Variants in COL26A1 observed in about 807,000 individuals in gnomAD.
COL26A1 encodes collagen type XXVI alpha 1 chain.
A neutral mutation model predicts 59.3 loss-of-function variants in COL26A1; 41 were observed. The ratio of observed to expected loss-of-function variants is 0.69; its 90% CI spans 0.54 to 0.90. The LOEUF (loss-of-function observed/expected upper bound fraction) is 0.90. COL26A1 is among the 40% of genes least tolerant of loss of function. COL26A1 has a pLI of 0.00. For missense variants in COL26A1, 612 were observed against 602.3 expected (o/e 1.02, Z -0.17); for synonymous variants, 266 against 256.0 (o/e 1.04, Z -0.37).
chr7:101,526,082 C>T (rs377134187), intron 3 of COL26A1, among the ~76,000 whole-genome samples: 2 of 150,960 alleles, frequency 1.3e-5, no homozygotes, highest in East Asian at 3.9e-4. Context: ...GAGTTTCGCT[C>T]TTGTTGCCCA....
chr7:101,510,709 G>T (rs1794903497), intron 3 of COL26A1, among the ~76,000 whole-genome samples: 1 of 151,542 alleles, frequency 6.6e-6, no homozygotes, highest in South Asian at 2.1e-4. Context: ...AGGCTGGGAG[G>T]GGGTCTCACG....
chr7:101,377,576 A>G (rs1791349024), intron 1 of COL26A1, among the ~76,000 whole-genome samples: 1 of 152,056 alleles, frequency 6.6e-6, no homozygotes, highest in South Asian at 2.1e-4. Flanking sequence ...ATAGGCATGC[A>G]CTACCATGCC....
chr7:101,453,296 G>A (rs1356888677), intron 3 of COL26A1, among the ~76,000 whole-genome samples: 2 of 152,220 alleles, frequency 1.3e-5, no homozygotes, highest in East Asian at 1.9e-4. Context: ...GAACCTGGGA[G>A]GAAGAGGTTG....
chr7:101,420,936 C>T (rs984193841), intron 2 of COL26A1, among the ~76,000 whole-genome samples: 13 of 152,094 alleles, frequency 8.5e-5, no homozygotes, highest in East Asian at 7.7e-4. Flanking sequence ...TGCTTAGCTC[C>T]AGGGACTGGC....
intron 1 of COL26A1, among the ~76,000 whole-genome samples, chr7:101,391,819 T>C (rs1791735344): frequency 6.6e-6 from 1 of 152,002 alleles, no homozygotes; most frequent in African/African-American, 2.4e-5. Context: ...TCTTCCAAAG[T>C]GCTGGGGTTA....
intron 3 of COL26A1, among the ~76,000 whole-genome samples, chr7:101,473,787 G>A (rs1232054641): frequency 6.6e-6 from 1 of 152,022 alleles, no homozygotes; most frequent in Non-Finnish European, 1.5e-5. Context: ...CTGGGAGGTT[G>A]AGGCTGCAGT....
intron 1 of COL26A1, among the ~76,000 whole-genome samples, chr7:101,372,288 C>A (rs914934950): frequency 1.3e-5 from 2 of 152,104 alleles, no homozygotes; most frequent in Non-Finnish European, 2.9e-5. Context: ...GCCCCAGCCT[C>A]CCAAGTAGCT....
intron 4 of COL26A1, among the ~76,000 whole-genome samples, chr7:101,536,139 C>T (rs937245074): frequency 2.0e-5 from 3 of 152,240 alleles, no homozygotes; most frequent in Non-Finnish European, 2.9e-5. Flanking sequence ...CCTCAGCCTC[C>T]TGAGTAGTTG....
intron 10 of COL26A1, among the ~76,000 whole-genome samples, chr7:101,551,834 G>C (rs1795869932): frequency 6.6e-6 from 1 of 152,186 alleles, no homozygotes; most frequent in Non-Finnish European, 1.5e-5. Flanking sequence ...TCACTGTAGG[G>C]GTGTGGGGCG....
intron 7 of COL26A1, among the ~76,000 whole-genome samples, chr7:101,546,040 G>A (rs1174802263): frequency 6.6e-6 from 1 of 152,176 alleles, no homozygotes; most frequent in Non-Finnish European, 1.5e-5. Context: ...CGGGGGCACC[G>A]GCCAGTCCAA....
At chr7:101,433,714 G>C (rs1649008286) in intron 2 of COL26A1, among the ~76,000 whole-genome samples, 1 of 152,108 alleles carries the variant, frequency 6.6e-6, no homozygotes, top group African/African-American at 2.4e-5. Flanking sequence ...AGCCGAGCAG[G>C]GTGGCTCGGA....
chr7:101,387,755 TATATA>T (rs1791618823), intron 1 of COL26A1, among the ~76,000 whole-genome samples: 2 of 53,242 alleles, frequency 3.8e-5, no homozygotes, highest in East Asian at 2.9e-4. Context: ...TATATATATT[TATATA>T]TATATATATA....
intron 4 of COL26A1, among the ~76,000 whole-genome samples, chr7:101,539,007 G>A (rs1795544795): frequency 2.0e-5 from 3 of 152,216 alleles, no homozygotes; most frequent in South Asian, 4.1e-4. Flanking sequence ...CTCTTCGGGG[G>A]CAGCAGAGAC....
At chr7:101,424,162 C>A (rs1317767979) in intron 2 of COL26A1, among the ~76,000 whole-genome samples, 1 of 152,152 alleles carries the variant, frequency 6.6e-6, no homozygotes, top group East Asian at 1.9e-4. Context: ...GATTGTGCCA[C>A]TGTACTCCAG....
intron 11 of COL26A1, among the ~76,000 whole-genome samples, chr7:101,555,097 C>T (rs1795943139): frequency 6.6e-6 from 1 of 152,134 alleles, no homozygotes; most frequent in Admixed American, 6.5e-5. Flanking sequence ...GTGGCTTTGT[C>T]TCCTCATCAT....
At chr7:101,539,696 T>C (rs1048348040) in intron 4 of COL26A1, among the ~76,000 whole-genome samples, 197 bp from the exon 5 acceptor site, 5 of 152,128 alleles carry the variant, frequency 3.3e-5, no homozygotes, top group Non-Finnish European at 7.4e-5. Flanking sequence ...ACTTTCCTGA[T>C]GTCAGAAGGA....
At chr7:101,512,776 G>C (rs1027213997) in intron 3 of COL26A1, among the ~76,000 whole-genome samples, 4 of 152,050 alleles carry the variant, frequency 2.6e-5, no homozygotes, top group Non-Finnish European at 4.4e-5. Context: ...AAAGTAATAG[G>C]TCCTTACCAT....
intron 1 of COL26A1, among the ~76,000 whole-genome samples, chr7:101,406,644 C>T (rs187092689): frequency 6.6e-5 from 10 of 152,310 alleles, no homozygotes; most frequent in Non-Finnish European, 1.2e-4. Context: ...TCTGAGTTCC[C>T]TTCTTTAAAA....
chr7:101,493,483 G>C (rs1436665386), intron 3 of COL26A1, among the ~76,000 whole-genome samples: 3 of 152,116 alleles, frequency 2.0e-5, no homozygotes, highest in Non-Finnish European at 4.4e-5. Flanking sequence ...CTGTCACCTT[G>C]GCCAGGGCTC....
Sources: allele counts gnomAD v4.1 joint callset (sites outside exome capture counted in the v4.1 genomes callset), GRCh38; gene constraint gnomAD v4.1.1; transcripts MANE v1.5; gene names NCBI Gene and HGNC (gene_info 2026-07-23, HGNC 2026-07-21).